Variants in UBE2Q1 observed in about 807,000 individuals in gnomAD.
UBE2Q1 encodes the protein ubiquitin-conjugating enzyme E2 Q1.
UBE2Q1 carries 6 observed loss-of-function variants against 60.1 expected under a neutral mutation model. That is an observed-to-expected ratio of 0.10 (90% CI 0.05 to 0.20). UBE2Q1 has a LOEUF of 0.20. Ranked by LOEUF, UBE2Q1 falls within the 10% of genes least tolerant of loss-of-function variation. UBE2Q1 has a pLI of 1.00. For synonymous variants in UBE2Q1, 226 were observed against 208.3 expected (o/e 1.09, Z -0.73); for missense variants, 262 against 525.8 (o/e 0.50, Z 4.91).
At chr1:154,553,297 A>G in intron 4 of UBE2Q1, 125 bp from the exon 5 acceptor site, 1 of 1,291,380 alleles carries the variant, frequency 7.7e-7, no homozygotes, top group Non-Finnish European at 1.0e-6. Flanking sequence ...CAGTCCATCT[A>G]GCAGTCTTAT....
At chr1:154,555,620 A>G in intron 2 of UBE2Q1, 88 bp from the exon 3 acceptor site, 1 of 1,264,514 alleles carries the variant, frequency 7.9e-7, no homozygotes, top group Non-Finnish European at 1.2e-6. Flanking sequence ...TGGGCCCCAC[A>G]CCAATAACTA....
rs752140708 is a variant in UBE2Q1, at chr1:154,550,411, G to A, written c.*27C>T. On this transcript the variant is annotated 3_prime_UTR_variant, in exon 13 of 13. Transcript: ENST00000292211. ...AGGTAATTGGTCCAGTGGTGCCTGG[G>A]GAGGGAGGAAGGGTGATACTCCAGG... is the stretch of plus-strand genomic sequence containing the variant. 6.2e-7 allele frequency: 1 copy of A among 1,614,060 alleles called. No homozygotes were observed. The highest frequency in any genetic ancestry group is 2.2e-5 in the East Asian group (1 of 44,886).
At position 154,550,245 on chromosome 1, in the gene UBE2Q1, C is replaced by A; in HGVS notation, c.*193G>T. The A allele has an allele frequency of 1.3e-6, 1 of 783,644 alleles. No individual in the cohort carries two copies. The highest frequency in any genetic ancestry group is 1.8e-5 in the South Asian group (1 of 54,216). 48.5% of individuals were successfully genotyped at this position (783,644 alleles called of 1,614,324 possible). A position where few individuals can be genotyped will look rare whatever the true frequency, so the allele number is the denominator to read the frequency against. ...TTGGTCTGTAAGTCAGTCTTGAGTACTTGAAACAGTTCTGTGTTTGTTTTT... is the reference window on the plus strand; with the variant it reads ...TTGGTCTGTAAGTCAGTCTTGAGTAATTGAAACAGTTCTGTGTTTGTTTTT... On this transcript the variant is annotated 3_prime_UTR_variant, in exon 13 of 13. Transcript: ENST00000292211.
rs758396146 is a variant in UBE2Q1, at chr1:154,551,908, G to A, written c.1025+13C>T. ...CCAGAGGAGATGCCCTCTTCCGCAT[G>A]CCAGCCACTCACCCTCCAGAGAGGA... is the stretch of plus-strand genomic sequence containing the variant. On this transcript the variant is annotated intron_variant, in intron 9 of 12. Transcript: ENST00000292211. 5 of 1,613,962 alleles carry A rather than the reference G, an allele frequency of 3.1e-6. No homozygotes were observed. In the African/African-American group the frequency reaches 6.7e-5, roughly 22 times the overall value.
intron 2 of UBE2Q1, 47 bp from the exon 3 acceptor site, chr1:154,555,579 T>A: frequency 6.5e-7 from 1 of 1,548,548 alleles, no homozygotes; most frequent in Non-Finnish European, 8.9e-7. Flanking sequence ...CCCACTCCGA[T>A]CTGGATAAGT....
rs1695818018 is a variant in UBE2Q1 at position 154,552,964 on chromosome 1, G to A, written c.729+68C>T. 7 of 1,602,414 alleles carry A rather than the reference G, an allele frequency of 4.4e-6. No individual in the cohort carries two copies. The South Asian group carries it at 5.6e-5, about 13-fold the overall frequency. Reference sequence around the variant, plus strand: ...GAGTCTGCTCTCCATACTGAGATGCGATGGCCTACTACTTCCCAGCCATTT... The same window carrying A: ...GAGTCTGCTCTCCATACTGAGATGCAATGGCCTACTACTTCCCAGCCATTT... On this transcript the variant is annotated intron_variant, in intron 5 of 12. Coordinates refer to ENST00000292211, the MANE Select transcript of UBE2Q1 (RefSeq NM_017582.7).
chr1:154,555,356 G>T, intron 3 of UBE2Q1, 72 bp downstream of exon 3: 1 of 1,290,906 alleles, frequency 7.7e-7, no homozygotes. Context: ...CTACTGATTT[G>T]TCTCAATTAT....
At chr1:154,556,004 ACT>A in intron 1 of UBE2Q1, 40 bp from the exon 2 acceptor site, 2 of 1,590,760 alleles carry the variant, frequency 1.3e-6, no homozygotes, top group South Asian at 1.1e-5. Flanking sequence ...AAAATGGGTG[ACT>A]CTGGGAAAAG....
At chr1:154,556,112 C>A in intron 1 of UBE2Q1, 148 bp from the exon 2 acceptor site, 3 of 625,116 alleles carry the variant, frequency 4.8e-6, no homozygotes, top group East Asian at 2.8e-5. Flanking sequence ...CTTAGGTCAG[C>A]ATCTAACCAA....
At chr1:154,552,646 T>G (rs1695812423) in intron 6 of UBE2Q1, 90 bp downstream of exon 6, 2 of 1,514,016 alleles carry the variant, frequency 1.3e-6, no homozygotes, top group Non-Finnish European at 1.8e-6. Context: ...TCATAAGCAC[T>G]CCTGGACCCC....
chr1:154,558,593 C>T lies in UBE2Q1; in HGVS notation c.-40G>A. Reference sequence around the variant, plus strand: ...CGCTCCGGGGCCGGCGGGCCGGGAGCCTCCGGCCTGCGCTCCGGGCTCCGC... The same window carrying T: ...CGCTCCGGGGCCGGCGGGCCGGGAGTCTCCGGCCTGCGCTCCGGGCTCCGC... On this transcript the variant is annotated 5_prime_UTR_variant, in exon 1 of 13. Transcript: ENST00000292211. 9.9e-7 allele frequency: 1 copy of T among 1,011,200 alleles called. No individual in the cohort carries two copies. Among genetic ancestry groups the T allele is most frequent in the African/African-American group, 1.8e-5 (1 of 56,270 alleles). 62.6% of individuals were successfully genotyped at this position (1,011,200 alleles called of 1,614,324 possible).
intron 3 of UBE2Q1, chr1:154,555,140 C>A (rs1695860340): frequency 1.8e-6 from 1 of 552,778 alleles, no homozygotes; most frequent in Non-Finnish European, 3.2e-6. Context: ...TCCCCAGTGG[C>A]CACCAACTGT....
At chr1:154,557,909 C>G (rs988574456) in intron 1 of UBE2Q1, among the ~76,000 whole-genome samples, 1 of 151,902 alleles carries the variant, frequency 6.6e-6, no homozygotes, top group Non-Finnish European at 1.5e-5. Context: ...AGACGCATTC[C>G]TAGGTGGCAA....
chr1:154,553,130 G>C lies in UBE2Q1; in HGVS notation c.631C>G (p.Pro211Ala). 2 of 1,613,724 alleles carry C rather than the reference G, an allele frequency of 1.2e-6. No individual in the cohort carries two copies. Among genetic ancestry groups the C allele is most frequent in the South Asian group, 2.2e-5 (2 of 91,062 alleles). Residue 211 changes from proline (P) to alanine (A), a missense_variant, in exon 5 of 13, where the codon CCA (proline) becomes GCA (alanine). This residue lies in a region of UBE2Q1 where 111 missense variants were observed against 266.8 expected (regional missense o/e 0.42). Coordinates refer to ENST00000292211, the MANE Select transcript of UBE2Q1 (RefSeq NM_017582.7). ...LDHYEMKEEE[P>A]AEGKKSEDDG... ...TCTTCAGATTTCTTGCCCTCAGCTG[G>C]CTCTTCCTCTTTCATTTCATAGTGA...
rs1440950424 is a variant in UBE2Q1, at chr1:154,549,490, G to A, written c.*948C>T. ...TTACCAATGATCACCATCCAGTGCT[G>A]GTTAGAAGCCACTTTCCAGGAGAGG... On this transcript the variant is annotated 3_prime_UTR_variant, in exon 13 of 13. Coordinates refer to ENST00000292211, the MANE Select transcript of UBE2Q1 (RefSeq NM_017582.7). The A allele has an allele frequency of 2.0e-5, 3 of 152,646 alleles. No homozygotes were observed. Among genetic ancestry groups the A allele is most frequent in the Admixed American group, 2.0e-4 (3 of 15,286 alleles). 9.5% of individuals were successfully genotyped at this position (152,646 alleles called of 1,614,324 possible).
intron 1 of UBE2Q1, among the ~76,000 whole-genome samples, chr1:154,556,782 CA>C (rs980259133): frequency 6.6e-6 from 1 of 152,166 alleles, no homozygotes; most frequent in African/African-American, 2.4e-5. Context: ...CTGCCAGGGA[CA>C]AACGCAGTAA....
At position 154,552,083 on chromosome 1, in the gene UBE2Q1, A is replaced by C. The variant is rs775987020; in HGVS notation, c.966+10T>G. 6.2e-7 allele frequency: 1 copy of C among 1,613,640 alleles called. No homozygotes were observed. The highest frequency in any genetic ancestry group is 8.5e-7 in the Non-Finnish European group (1 of 1,179,586). On this transcript the variant is annotated intron_variant, in intron 8 of 12. Transcript: ENST00000292211. ...GGCCAGAGGGAGAGACTGGAAAAGAAAAGTCTTACTTTAAAGGAAAAGTTA... is the reference window on the plus strand; with the variant it reads ...GGCCAGAGGGAGAGACTGGAAAAGACAAGTCTTACTTTAAAGGAAAAGTTA...
At chr1:154,553,846 A>G (rs1571009055) in intron 4 of UBE2Q1, among the ~76,000 whole-genome samples, 1 of 152,238 alleles carries the variant, frequency 6.6e-6, no homozygotes, top group African/African-American at 2.4e-5. Context: ...CCCCTCAGCC[A>G]GATGTTGGGG....
In UBE2Q1 at chr1:154,549,108, T is replaced by A. The variant is rs41269915; in HGVS notation, c.*1330A>T. 0.2 allele frequency: 29,887 copies of A among 152,024 alleles called. 3,148 individuals carry two copies. The highest frequency in any genetic ancestry group is 0.23 in the South Asian group (1,123 of 4,804). The allele number at this position is 152,024 out of a possible 1,614,324, so 9.4% of individuals were successfully genotyped here. A position where few individuals can be genotyped will look rare whatever the true frequency, so the allele number is the denominator to read the frequency against. ...TAATGAGAGCTGCTGGCATCGTAGG[T>A]CCTAAGAGGCTGAGTCCCAGAGCAA... On this transcript the variant is annotated 3_prime_UTR_variant, in exon 13 of 13. Coordinates refer to ENST00000292211, the MANE Select transcript of UBE2Q1 (RefSeq NM_017582.7).
Sources: allele counts gnomAD v4.1 joint callset (sites outside exome capture counted in the v4.1 genomes callset), GRCh38; gene constraint gnomAD v4.1.1; regional missense constraint gnomAD v4.1.1; transcripts MANE v1.5; gene names NCBI Gene and HGNC (gene_info 2026-07-23, HGNC 2026-07-21).